Variants in RARB observed in about 807,000 individuals in gnomAD.
RARB encodes retinoic acid receptor beta, also known as HBV-activated protein.
Under a neutral mutation model 51.9 loss-of-function variants are expected in RARB, and 17 were observed. The ratio of observed to expected loss-of-function variants is 0.33; its 90% CI spans 0.22 to 0.49. RARB has a LOEUF of 0.49. RARB is among the 20% of genes least tolerant of loss of function. The pLI, the probability that RARB is intolerant of heterozygous loss-of-function variation, is 0.99. For missense variants in RARB, 369 were observed against 550.8 expected (o/e 0.67, Z 3.30); for synonymous variants, 215 against 195.4 (o/e 1.10, Z -0.84).
At chr3:25,072,516 C>T (rs1371751482) in intron 3 of RARB, among the ~76,000 whole-genome samples, 3 of 152,006 alleles carry the variant, frequency 2.0e-5, no homozygotes, top group East Asian at 3.9e-4. Flanking sequence ...TACTTGATAG[C>T]GATAACTGTT....
At chr3:25,112,774 T>C (rs748250700) in intron 3 of RARB, among the ~76,000 whole-genome samples, 8 of 152,094 alleles carry the variant, frequency 5.3e-5, no homozygotes, top group Non-Finnish European at 8.8e-5. Context: ...TGAGACCCTG[T>C]CTAAAAAAGG....
intron 2 of RARB, among the ~76,000 whole-genome samples, chr3:24,996,611 A>G (rs1215481611): frequency 6.6e-6 from 1 of 152,126 alleles, no homozygotes; most frequent in Non-Finnish European, 1.5e-5. Flanking sequence ...GCCTCTTAAT[A>G]TAGCTTTTGC....
chr3:25,037,822 T>C (rs1036343438), intron 2 of RARB, among the ~76,000 whole-genome samples: 2 of 152,094 alleles, frequency 1.3e-5, no homozygotes, highest in Non-Finnish European at 2.9e-5. Flanking sequence ...AAGGTGTCCT[T>C]TGTGTTGGGG....
intron 5 of RARB, among the ~76,000 whole-genome samples, chr3:25,373,169 G>T (rs1706354112): frequency 6.6e-6 from 1 of 152,198 alleles, no homozygotes; most frequent in Non-Finnish European, 1.5e-5. Context: ...CTAGAGTTGA[G>T]GAGGATGCTC....
At chr3:25,038,220 C>A (rs1357724033) in intron 2 of RARB, among the ~76,000 whole-genome samples, 2 of 152,072 alleles carry the variant, frequency 1.3e-5, no homozygotes, top group South Asian at 2.1e-4. Flanking sequence ...TTGATAGATA[C>A]TTGGTAAATT....
At chr3:25,501,075 A>C in intron 2 of RARB, 107 bp from the exon 3 acceptor site, 2 of 1,301,382 alleles carry the variant, frequency 1.5e-6, no homozygotes, top group Admixed American at 5.5e-5. Context: ...TGCTGCCATC[A>C]CTTCGTTACT....
intron 3 of RARB, among the ~76,000 whole-genome samples, chr3:25,507,706 G>T (rs970693682): frequency 1.3e-5 from 2 of 152,188 alleles, no homozygotes; most frequent in Non-Finnish European, 2.9e-5. Flanking sequence ...CCAAACCTTA[G>T]CTATCAAAGA....
intron 3 of RARB, among the ~76,000 whole-genome samples, chr3:25,090,709 A>G (rs1236914364): frequency 6.6e-6 from 1 of 152,150 alleles, no homozygotes; most frequent in Non-Finnish European, 1.5e-5. Flanking sequence ...CATGGTACTA[A>G]GGAGACAAAA....
At chr3:24,848,179 C>T (rs1034466703) in intron 1 of RARB, among the ~76,000 whole-genome samples, 9 of 152,178 alleles carry the variant, frequency 5.9e-5, no homozygotes, top group African/African-American at 2.2e-4. Context: ...CCCACCTCAA[C>T]CTACCAAGTA....
intron 5 of RARB, among the ~76,000 whole-genome samples, chr3:25,350,522 T>A (rs1575332885): frequency 6.6e-6 from 1 of 152,312 alleles, no homozygotes; most frequent in East Asian, 1.9e-4. Context: ...TTATCTCCCC[T>A]TATCCTGCCT....
At chr3:24,890,460 C>CT (rs1218227837) in intron 2 of RARB, among the ~76,000 whole-genome samples, 1 of 152,136 alleles carries the variant, frequency 6.6e-6, no homozygotes, top group Non-Finnish European at 1.5e-5. Context: ...AGACGTATGA[C>CT]TTTGTAGGTC....
At chr3:25,547,360 C>G (rs552296684) in intron 3 of RARB, among the ~76,000 whole-genome samples, 11 of 152,326 alleles carry the variant, frequency 7.2e-5, no homozygotes, top group Admixed American at 2.0e-4. Flanking sequence ...GGTCTCCTCC[C>G]ACCATTGGAA....
chr3:25,502,335 C>G (rs137977339), intron 3 of RARB, among the ~76,000 whole-genome samples: 1 of 152,176 alleles, frequency 6.6e-6, no homozygotes. Flanking sequence ...AACTGGGAAA[C>G]GTGACCCTTG....
intron 3 of RARB, among the ~76,000 whole-genome samples, chr3:25,557,634 A>T (rs1161002729): frequency 1.3e-5 from 2 of 152,088 alleles, no homozygotes; most frequent in African/African-American, 4.8e-5. Context: ...CTATCCTGGC[A>T]CTTCCCTACA....
intron 5 of RARB, among the ~76,000 whole-genome samples, chr3:25,255,301 G>C (rs1444939842): frequency 6.6e-6 from 1 of 152,118 alleles, no homozygotes; most frequent in East Asian, 1.9e-4. Flanking sequence ...AGCCACCCCA[G>C]CAGTGACTAG....
At chr3:25,116,731 C>G (rs994220007) in intron 3 of RARB, among the ~76,000 whole-genome samples, 11 of 152,010 alleles carry the variant, frequency 7.2e-5, no homozygotes, top group South Asian at 2.1e-4. Context: ...TCTGTTTTCT[C>G]TCACACAAAC....
At chr3:25,574,900 A>G (rs944522233) in intron 4 of RARB, among the ~76,000 whole-genome samples, 1 of 152,168 alleles carries the variant, frequency 6.6e-6, no homozygotes, top group African/African-American at 2.4e-5. Flanking sequence ...CAGGAGGGAT[A>G]GAAGGTCAGT....
chr3:24,919,016 T>C (rs942151173), intron 2 of RARB, among the ~76,000 whole-genome samples: 10 of 152,234 alleles, frequency 6.6e-5, no homozygotes, highest in African/African-American at 2.4e-4. Context: ...GTGTGACTTC[T>C]GGAAATTACT....
chr3:24,932,855 C>G (rs561948424), intron 2 of RARB, among the ~76,000 whole-genome samples: 1 of 152,024 alleles, frequency 6.6e-6, no homozygotes, highest in South Asian at 2.1e-4. Flanking sequence ...GTGCTAATCT[C>G]TGTTCTATTT....
Sources: gnomAD v4.1 joint callset for allele counts (sites outside exome capture counted in the v4.1 genomes callset) on GRCh38, gnomAD v4.1.1 for gene constraint, MANE v1.5 for transcripts, NCBI Gene and HGNC (gene_info 2026-07-23, HGNC 2026-07-21) for gene names.